The following TIAM1 variants were observed in gnomAD, a reference collection of about 807,000 sequenced individuals.
The protein encoded by TIAM1 is rho guanine nucleotide exchange factor TIAM1.
In TIAM1, 65 loss-of-function variants were observed where a neutral mutation model predicts 163.5. The ratio of observed to expected loss-of-function variants is 0.40; its 90% CI spans 0.33 to 0.49. The LOEUF (loss-of-function observed/expected upper bound fraction) is 0.49, where lower values mean the gene tolerates loss of function less well. Ranked by LOEUF, TIAM1 falls within the 20% of genes least tolerant of loss-of-function variation. TIAM1 has a pLI of 0.77. For missense variants in TIAM1, 1,789 were observed against 2,044.7 expected (o/e 0.87, Z 2.41); for synonymous variants, 833 against 810.1 (o/e 1.03, Z -0.48).
At chr21:31,434,448 T>C (rs1249724075) in intron 2 of TIAM1, among the ~76,000 whole-genome samples, 1 of 152,184 alleles carries the variant, frequency 6.6e-6, no homozygotes, top group African/African-American at 2.4e-5. Flanking sequence ...TAGATAACCA[T>C]GCCACCATTT....
At chr21:31,170,658 G>T (rs1385161530) in intron 15 of TIAM1, among the ~76,000 whole-genome samples, 1 of 152,166 alleles carries the variant, frequency 6.6e-6, no homozygotes, top group Non-Finnish European at 1.5e-5. Context: ...TCCATCCCAT[G>T]CAGATGTTCC....
chr21:31,133,824 C>T (rs1437966420), intron 23 of TIAM1, among the ~76,000 whole-genome samples: 3 of 152,164 alleles, frequency 2.0e-5, no homozygotes, highest in Admixed American at 1.3e-4. Flanking sequence ...AATCCCAGCA[C>T]TTTGGGAGGC....
In TIAM1 at chr21:31,251,439, C is replaced by T. The variant is rs187291156; in HGVS notation, c.1411+303G>A. ...GAACTCCTGGGCTCAAGTGAACCTC[C>T]TGCCTCCCAAAGTGCTGGGATTACA... On this transcript the variant is annotated intron_variant, in intron 5 of 27. Transcript: ENST00000541036. Among the ~76,000 whole-genome samples, 439 of 152,274 alleles carry T rather than the reference C, an allele frequency of 2.9e-3. 3 individuals are homozygous for T. The highest frequency in any genetic ancestry group is 0.01 in the African/African-American group (416 of 41,544).
At chr21:31,292,165 T>C (rs1427760560) in intron 2 of TIAM1, among the ~76,000 whole-genome samples, 1 of 152,146 alleles carries the variant, frequency 6.6e-6, no homozygotes, top group African/African-American at 2.4e-5. Context: ...GCCTGCAGGT[T>C]TGTGCTGGGA....
At chr21:31,455,954 A>C (rs931320758) in intron 2 of TIAM1, among the ~76,000 whole-genome samples, 5 of 152,172 alleles carry the variant, frequency 3.3e-5, no homozygotes, top group African/African-American at 1.2e-4. Context: ...AAGGGGAGAA[A>C]TCTGACTGGG....
At chr21:31,185,773 T>C (rs188525841) in intron 14 of TIAM1, among the ~76,000 whole-genome samples, 1 of 149,838 alleles carries the variant, frequency 6.7e-6, no homozygotes, top group Non-Finnish European at 1.5e-5. Flanking sequence ...CAATGACTGG[T>C]GTTCTTATAA....
chr21:31,375,294 C>T (rs1353956858), intron 2 of TIAM1, among the ~76,000 whole-genome samples: 1 of 152,138 alleles, frequency 6.6e-6, no homozygotes, highest in East Asian at 1.9e-4. Context: ...AGAGCAAAGC[C>T]ATCTACCTCC....
chr21:31,172,390 C>T (rs906335071), intron 15 of TIAM1, among the ~76,000 whole-genome samples: 11 of 152,086 alleles, frequency 7.2e-5, no homozygotes, highest in Non-Finnish European at 8.8e-5. Context: ...AGTAGGTGAG[C>T]GGCTTTCCCC....
chr21:31,346,791 A>C (rs1323782517), upstream of TIAM1, among the ~76,000 whole-genome samples: 1 of 152,206 alleles, frequency 6.6e-6, no homozygotes, highest in African/African-American at 2.4e-5. Context: ...GTCAGTGGTC[A>C]GAGCATCAGA....
intron 1 of TIAM1, among the ~76,000 whole-genome samples, chr21:31,497,243 C>G (rs2046693759): frequency 6.6e-6 from 1 of 152,214 alleles, no homozygotes; most frequent in South Asian, 2.1e-4. Flanking sequence ...ACACATTTCT[C>G]AGAACATATC....
intron 1 of TIAM1, among the ~76,000 whole-genome samples, chr21:31,480,840 G>T (rs777130384): frequency 6.6e-6 from 1 of 152,136 alleles, no homozygotes. Flanking sequence ...TGCAACCTCC[G>T]TCTCCCAGGT....
chr21:31,151,222 T>TC (rs2083355296), intron 19 of TIAM1, among the ~76,000 whole-genome samples: 1 of 152,212 alleles, frequency 6.6e-6, no homozygotes, highest in Admixed American at 6.5e-5. Flanking sequence ...CCTGGGTACT[T>TC]AAGAGAAATG....
intron 27 of TIAM1, 155 bp downstream of exon 27, chr21:31,124,367 G>A (rs940828041): frequency 1.6e-5 from 17 of 1,088,970 alleles, no homozygotes; most frequent in Non-Finnish European, 1.9e-5. Context: ...AAGGAGGCAA[G>A]GGCAAGGAAC....
chr21:31,462,443 C>T (rs1408640677), intron 2 of TIAM1, among the ~76,000 whole-genome samples: 6 of 152,130 alleles, frequency 3.9e-5, no homozygotes, highest in Non-Finnish European at 4.4e-5. Flanking sequence ...CAGGCATAGC[C>T]GATTACACCC....
intron 15 of TIAM1, among the ~76,000 whole-genome samples, chr21:31,173,887 C>T (rs185476364): frequency 1.1e-4 from 17 of 152,210 alleles, no homozygotes; most frequent in African/African-American, 3.9e-4. Context: ...CAGGATTTGA[C>T]GGTGTCATCA....
rs755211024 is a variant in TIAM1, at chr21:31,141,119, T to A, written c.3773A>T (p.Glu1258Val). The A allele has an allele frequency of 1.2e-6, 2 of 1,611,768 alleles. No individual in the cohort carries two copies. Residue 1258 changes from glutamate (E) to valine (V), a missense_variant and splice_region_variant, in exon 22 of 28, where the codon GAG becomes GTG. Glu to Val is a moderately radical substitution (Grantham distance 121, BLOSUM62 -2). Around this residue, in one of 5 missense-constraint regions of TIAM1, gnomAD observed 415 missense variants for 439.2 expected, o/e 0.94. Transcript: ENST00000541036. This position sits in a 1 kb window ranked among gnomAD's most constrained non-coding sequence, Gnocchi z 4.7. The part of the protein sequence containing the change: ...LIAEQTGEKK[E>V]VADLSMGDLL... ...TCCTGAGAAGATGGGGACCCTCACC[T>A]CTTTTTTCTCACCAGTCTGTTCAGC...
At chr21:31,236,981 C>A (rs1387107295) in intron 6 of TIAM1, among the ~76,000 whole-genome samples, 1 of 152,088 alleles carries the variant, frequency 6.6e-6, no homozygotes, top group African/African-American at 2.4e-5. Flanking sequence ...AGAAGACTTG[C>A]ACAGGACTCT....
At chr21:31,238,144 C>G (rs2070990250) in intron 6 of TIAM1, among the ~76,000 whole-genome samples, 1 of 152,212 alleles carries the variant, frequency 6.6e-6, no homozygotes, top group African/African-American at 2.4e-5. Flanking sequence ...GCTCTGGAAA[C>G]TGTGTGCACT....
intron 2 of TIAM1, among the ~76,000 whole-genome samples, chr21:31,435,829 G>A (rs184535576): frequency 2.0e-5 from 3 of 152,144 alleles, no homozygotes; most frequent in East Asian, 1.9e-4. Flanking sequence ...AAGTGGGTTC[G>A]TTATAAAAAC....
Sources: allele counts gnomAD v4.1 joint callset (sites outside exome capture counted in the v4.1 genomes callset), GRCh38; gene constraint gnomAD v4.1.1; regional missense constraint gnomAD v4.1.1; non-coding constraint Gnocchi (gnomAD v3.1); transcripts MANE v1.5; gene names NCBI Gene and HGNC (gene_info 2026-07-23, HGNC 2026-07-21).